Variants in DACH2 observed in about 807,000 individuals in gnomAD.
DACH2 encodes the protein dachshund family transcription factor 2.
In DACH2, 17 loss-of-function variants were observed where a neutral mutation model predicts 35.8. That is an observed-to-expected ratio of 0.48 (90% confidence interval 0.33 to 0.71). DACH2 has a LOEUF of 0.71. Ranked by LOEUF, DACH2 falls within the 30% of genes least tolerant of loss-of-function variation. The pLI, the probability that DACH2 is intolerant of heterozygous loss-of-function variation, is 0.02. For missense variants in DACH2, 469 were observed against 472.7 expected (o/e 0.99, Z 0.07); for synonymous variants, 195 against 177.3 (o/e 1.10, Z -0.79).
At chrX:86,739,005 T>G (rs2041625715) in intron 6 of DACH2, among the ~76,000 whole-genome samples, 1 of 111,116 alleles carries the variant, frequency 9.0e-6, no homozygotes, top group African/African-American at 3.3e-5. Context: ...CCCCAATAGC[T>G]GGGATTACAG....
At chrX:86,400,446 A>G (rs1424851447) in intron 2 of DACH2, among the ~76,000 whole-genome samples, 2 of 111,426 alleles carry the variant, frequency 1.8e-5, no homozygotes, top group African/African-American at 6.5e-5. Context: ...TTGGAGGAGG[A>G]GAGGCGCTCT....
At chrX:86,765,798 G>A (rs6623773) in intron 7 of DACH2, among the ~76,000 whole-genome samples, 15,729 of 90,687 alleles carry the variant, frequency 0.17, 1,197 homozygotes, top group South Asian at 0.44. Flanking sequence ...GTTAAAAATG[G>A]CATTTTTTTT....
chrX:86,659,834 G>T, intron 4 of DACH2, among the ~76,000 whole-genome samples: 1 of 110,571 alleles, frequency 9.0e-6, no homozygotes. Flanking sequence ...TATAATTCTT[G>T]AGCATCATTA....
At chrX:86,791,740 G>A (rs1458896014) in intron 7 of DACH2, among the ~76,000 whole-genome samples, 2 of 111,624 alleles carry the variant, frequency 1.8e-5, no homozygotes, top group Admixed American at 9.5e-5. Context: ...CAAAATGATA[G>A]CCTCTGCAGA....
chrX:86,199,282 A>G (rs2032081018), intron 1 of DACH2, among the ~76,000 whole-genome samples: 2 of 111,786 alleles, frequency 1.8e-5, no homozygotes, highest in East Asian at 2.8e-4. Flanking sequence ...AATAGGAGCC[A>G]TCTCTGAGAA....
intron 1 of DACH2, among the ~76,000 whole-genome samples, chrX:86,299,521 A>G (rs891472566): frequency 1.8e-5 from 2 of 111,998 alleles, no homozygotes; most frequent in African/African-American, 3.2e-5. Context: ...TCATAAAGAT[A>G]TGTGTGTTGA....
intron 3 of DACH2, among the ~76,000 whole-genome samples, chrX:86,648,819 C>T (rs2040444724): frequency 9.0e-6 from 1 of 110,679 alleles, no homozygotes; most frequent in Admixed American, 9.6e-5. Flanking sequence ...TTTTTCTGCA[C>T]CATGAGGCAA....
chrX:86,436,956 T>C (rs1201758701), intron 2 of DACH2, among the ~76,000 whole-genome samples: 1 of 111,435 alleles, frequency 9.0e-6, no homozygotes, highest in Non-Finnish European at 1.9e-5. Flanking sequence ...ATTCATATAC[T>C]ATCCTTATAT....
At chrX:86,628,296 A>G (rs2040160246) in intron 3 of DACH2, among the ~76,000 whole-genome samples, 1 of 112,391 alleles carries the variant, frequency 8.9e-6, no homozygotes, top group African/African-American at 3.2e-5. Context: ...ATTTCATTCC[A>G]CTTAGATTCT....
At chrX:86,423,245 C>T in intron 2 of DACH2, among the ~76,000 whole-genome samples, 1 of 111,250 alleles carries the variant, frequency 9.0e-6, no homozygotes, top group Admixed American at 9.6e-5. Context: ...AACCTCCAAA[C>T]TGTTCTCCAC....
chrX:86,498,237 C>G (rs2038200361), intron 2 of DACH2, among the ~76,000 whole-genome samples: 1 of 110,850 alleles, frequency 9.0e-6, no homozygotes, highest in Non-Finnish European at 1.9e-5. Context: ...AATTTGTTGC[C>G]TTAAGCATAT....
chrX:86,429,496 A>G (rs144690766), intron 2 of DACH2, among the ~76,000 whole-genome samples: 295 of 110,247 alleles, frequency 2.7e-3, no homozygotes, highest in African/African-American at 9.2e-3. Flanking sequence ...AATTCAAATA[A>G]AACATATTGT....
intron 2 of DACH2, among the ~76,000 whole-genome samples, chrX:86,418,981 C>A: frequency 9.0e-6 from 1 of 111,667 alleles, no homozygotes; most frequent in Non-Finnish European, 1.9e-5. Flanking sequence ...GGCCCAAATG[C>A]CTCCAGTCTC....
chrX:86,185,372 T>G (rs955604824), intron 1 of DACH2, among the ~76,000 whole-genome samples: 1 of 111,937 alleles, frequency 8.9e-6, no homozygotes, highest in Non-Finnish European at 1.9e-5. Context: ...CTGTTACTTT[T>G]GCTTTTCTCC....
chrX:86,660,930 T>C (rs2040598758), intron 4 of DACH2, among the ~76,000 whole-genome samples: 1 of 111,249 alleles, frequency 9.0e-6, no homozygotes, highest in African/African-American at 3.3e-5. Context: ...ACACTGGACA[T>C]ATTAGTGTAA....
At chrX:86,404,797 G>T (rs2036496677) in intron 2 of DACH2, among the ~76,000 whole-genome samples, 1 of 112,165 alleles carries the variant, frequency 8.9e-6, no homozygotes. Flanking sequence ...CCTAGCAGAG[G>T]GTCTCCATGA....
intron 3 of DACH2, among the ~76,000 whole-genome samples, chrX:86,607,709 G>A (rs1478414795): frequency 2.0e-5 from 2 of 101,478 alleles, no homozygotes; most frequent in Non-Finnish European, 4.0e-5. Flanking sequence ...TCGTCATCTA[G>A]CATTAGGTAT....
At chrX:86,208,139 T>C (rs1321730546) in intron 1 of DACH2, among the ~76,000 whole-genome samples, 1 of 110,824 alleles carries the variant, frequency 9.0e-6, no homozygotes, top group East Asian at 2.8e-4. Context: ...AATCAGAAAA[T>C]ACTACAGTTT....
intron 2 of DACH2, among the ~76,000 whole-genome samples, chrX:86,458,895 G>A (rs1006426487): frequency 4.5e-5 from 5 of 110,381 alleles, no homozygotes; most frequent in Non-Finnish European, 9.5e-5. Context: ...GGGAGGGATA[G>A]CATTAGGAGA....
Sources: allele counts gnomAD v4.1 joint callset (sites outside exome capture counted in the v4.1 genomes callset), GRCh38; gene constraint gnomAD v4.1.1; transcripts MANE v1.5; gene names NCBI Gene and HGNC (gene_info 2026-07-23, HGNC 2026-07-21).